MCF2L2: variants seen among roughly 807,000 people sequenced by gnomAD.
MCF2L2 encodes MCF.2 cell line derived transforming sequence-like 2, also known as probable guanine nucleotide exchange factor MCF2L2.
A neutral mutation model predicts 150.2 loss-of-function variants in MCF2L2; 102 were observed. That is an observed-to-expected ratio of 0.68 (90% CI 0.58 to 0.80). The LOEUF is 0.80. Among genes scored for constraint, MCF2L2 ranks in the 30% least tolerant of loss-of-function variants. The pLI, the probability that MCF2L2 is intolerant of heterozygous loss-of-function variation, is 0.00. For synonymous variants in MCF2L2, 465 were observed against 491.3 expected, an observed-to-expected ratio of 0.95 and a Z score of 0.71; for missense variants, 1,256 against 1,372.8, an observed-to-expected ratio of 0.91 and a Z score of 1.34.
At chr3:183,400,403 G>A (rs1340979665) in intron 1 of MCF2L2, 1 of 456,456 alleles carries the variant, frequency 2.2e-6, no homozygotes, top group East Asian at 7.0e-5. Flanking sequence ...AACGGTGATA[G>A]GCCCTCATCT....
intron 3 of MCF2L2, among the ~76,000 whole-genome samples, chr3:183,355,003 TATAAA>T (rs1711672145): frequency 6.6e-6 from 1 of 151,906 alleles, no homozygotes; most frequent in Non-Finnish European, 1.5e-5. Flanking sequence ...TGTGAAGTGA[TATAAA>T]ATAATTGTTT....
intron 15 of MCF2L2, among the ~76,000 whole-genome samples, chr3:183,262,069 T>TTATA (rs377071477): frequency 1.4e-5 from 2 of 147,254 alleles, no homozygotes; most frequent in Non-Finnish European, 3.0e-5. Context: ...TGCATATATA[T>TTATA]TATATATATA....
chr3:183,378,798 A>T (rs1322925612), intron 3 of MCF2L2: 9 of 152,054 alleles, frequency 5.9e-5, no homozygotes, highest in African/African-American at 2.2e-4. Flanking sequence ...CAGGCGGATT[A>T]CTTGAGGTTA....
rs866439983 is a variant in MCF2L2 at position 183,219,639 on chromosome 3, A to C, written c.2370+217T>G. ...AAAAAAAAATTATGTGGAAGGAAGAAAATATATTACCACTTCCATTTGGGC... is the reference window on the plus strand; with the variant it reads ...AAAAAAAAATTATGTGGAAGGAAGACAATATATTACCACTTCCATTTGGGC... On this transcript the variant is annotated intron_variant, in intron 21 of 29. Coordinates refer to ENST00000328913, the MANE Select transcript of MCF2L2 (RefSeq NM_015078.4). 3.9e-5 allele frequency among the ~76,000 whole-genome samples: 6 copies of C among 152,140 alleles called. No homozygotes were observed. The South Asian group carries it at 1.2e-3, about 32-fold the overall frequency.
At position 183,428,227 on chromosome 3, in the gene MCF2L2, C is replaced by T. The variant is rs1040641524; in HGVS notation, c.-250G>A. 30 of 468,590 alleles carry T rather than the reference C, an allele frequency of 6.4e-5. 2 individuals carry two copies. The Admixed American group carries it at 1.0e-3, about 16-fold the overall frequency. The allele number at this position is 468,590 out of a possible 1,614,324, so 29.0% of individuals were successfully genotyped here. A position where few individuals can be genotyped will look rare whatever the true frequency, so the allele number is the denominator to read the frequency against. On this transcript the variant is annotated 5_prime_UTR_variant, in exon 1 of 30. Coordinates refer to ENST00000328913, the MANE Select transcript of MCF2L2 (RefSeq NM_015078.4). This position sits in a 1 kb window ranked among gnomAD's most constrained non-coding sequence, Gnocchi z 5.1. ...GCAGCTGGACCGAGAGAGGAGCGGC[C>T]GTTCTGCAAAAGGAAGCAAGTCGCC...
At position 183,392,333 on chromosome 3, in the gene MCF2L2, G is replaced by A. The variant is rs931051518; in HGVS notation, c.77-2554C>T. On this transcript the variant is annotated intron_variant, in intron 1 of 29. Transcript: ENST00000328913. ...ACCTGACGCTAAGAGGGCAAACCTC[G>A]GCCACGCGTGATAGAGTTCCCAGAC... is the stretch of plus-strand genomic sequence containing the variant. 9.9e-5 allele frequency among the ~76,000 whole-genome samples: 15 copies of A among 152,090 alleles called. No individual in the cohort carries two copies. The East Asian group carries it at 1.5e-3, about 16-fold the overall frequency.
At chr3:183,287,877 A>T (rs1559998480) in intron 14 of MCF2L2, 1 of 152,160 alleles carries the variant, frequency 6.6e-6, no homozygotes, top group African/African-American at 2.4e-5. Flanking sequence ...AGGTCAGTGG[A>T]GTTCCTCTGG....
intron 14 of MCF2L2, chr3:183,287,684 A>G (rs1199870035): frequency 6.6e-6 from 1 of 152,238 alleles, no homozygotes; most frequent in East Asian, 1.9e-4. Context: ...TCCAACCAGG[A>G]GGGATTTATG....
In MCF2L2 at chr3:183,336,529, T is replaced by C. The variant is rs1047217298; in HGVS notation, c.486+2271A>G. 3.3e-5 allele frequency among the ~76,000 whole-genome samples: 5 copies of C among 152,202 alleles called. No individual in the cohort carries two copies. In the East Asian group the frequency reaches 9.7e-4, roughly 29 times the overall value. The stretch of plus-strand genomic sequence containing the variant: ...TTCAATTCATTTTGATAAATGTATA[T>C]AGACATGTAACACCACCCAATCAAG... On this transcript the variant is annotated intron_variant, in intron 5 of 29. Transcript: ENST00000328913.
At chr3:183,411,114 C>G (rs1715295863) in intron 1 of MCF2L2, among the ~76,000 whole-genome samples, 2 of 152,174 alleles carry the variant, frequency 1.3e-5, no homozygotes, top group African/African-American at 4.8e-5. Context: ...CCTGGTCCTG[C>G]CACTTACCAG....
At chr3:183,297,642 C>CCCTTTCTTCCTTCCTTCCTTCCTT (rs1728595118) in intron 11 of MCF2L2, 1 of 146,118 alleles carries the variant, frequency 6.8e-6, no homozygotes, top group Non-Finnish European at 1.5e-5. Flanking sequence ...CTTCCTTCCT[C>CCCTTTCTTCCTTCCTTCCTTCCTT]CCTTCCTTCC....
At chr3:183,426,120 G>A (rs572187064) in intron 1 of MCF2L2, among the ~76,000 whole-genome samples, 1 of 152,294 alleles carries the variant, frequency 6.6e-6, no homozygotes, top group Admixed American at 6.5e-5. Flanking sequence ...GAGGTTGAAA[G>A]GAGAAACTAC....
chr3:183,392,034 C>T (rs924170289), intron 1 of MCF2L2, among the ~76,000 whole-genome samples: 14 of 152,092 alleles, frequency 9.2e-5, no homozygotes, highest in African/African-American at 3.4e-4. Flanking sequence ...ATTAGAGGCA[C>T]AAACCACCAC....
intron 10 of MCF2L2, among the ~76,000 whole-genome samples, chr3:183,304,798 G>A (rs1416411513): frequency 6.6e-6 from 1 of 152,004 alleles, no homozygotes; most frequent in Non-Finnish European, 1.5e-5. Context: ...TGACTCTTTG[G>A]TTCACTGCTG....
At chr3:183,195,901 G>T (rs1239442401) in intron 25 of MCF2L2, among the ~76,000 whole-genome samples, 2 of 152,198 alleles carry the variant, frequency 1.3e-5, no homozygotes, top group Middle Eastern at 6.3e-3. Flanking sequence ...TACTACCGAT[G>T]TGACTGCCAC....
At chr3:183,277,258 A>C (rs2108459853) in intron 14 of MCF2L2, among the ~76,000 whole-genome samples, 1 of 150,880 alleles carries the variant, frequency 6.6e-6, no homozygotes, top group Middle Eastern at 3.4e-3. Flanking sequence ...AATTGCTCGA[A>C]CCTGGGAGGC....
In MCF2L2 at chr3:183,271,056, A is replaced by C. The variant is rs1057261425; in HGVS notation, c.1862+5816T>G. ...CGAAAGACAAATATTTTGAAAGCCT[A>C]GTCCATCAGAATGTTTCTTTGATTC... On this transcript the variant is annotated intron_variant, in intron 15 of 29. Coordinates refer to ENST00000328913, the MANE Select transcript of MCF2L2 (RefSeq NM_015078.4). 4 of 904,336 alleles carry C rather than the reference A, an allele frequency of 4.4e-6. No homozygotes were observed. The African/African-American group carries it at 6.9e-5, about 16-fold the overall frequency. The allele number at this position is 904,336 out of a possible 1,614,324, so 56.0% of individuals were successfully genotyped here. A position where few individuals can be genotyped will look rare whatever the true frequency, so the allele number is the denominator to read the frequency against.
At position 183,180,177 on chromosome 3, in the gene MCF2L2, A is replaced by C; in HGVS notation, c.3017-18T>G. 33 of 1,545,504 alleles carry C rather than the reference A, an allele frequency of 2.1e-5. No homozygotes were observed. Among genetic ancestry groups the C allele is most frequent in the Non-Finnish European group, 3.0e-5 (33 of 1,118,592 alleles). ...GGAGCAGCCTTAGGGAGAGAAAGGG[A>C]AGGATGGGGCCTCTGTGGGGTGGGA... On this transcript the variant is annotated intron_variant, in intron 27 of 29. Coordinates refer to ENST00000328913, the MANE Select transcript of MCF2L2 (RefSeq NM_015078.4).
At chr3:183,209,223 T>C (rs1363935579) in intron 22 of MCF2L2, among the ~76,000 whole-genome samples, 4 of 152,232 alleles carry the variant, frequency 2.6e-5, no homozygotes, top group Non-Finnish European at 5.9e-5. Flanking sequence ...ATCCATTCAA[T>C]TCATAATCAA....
Sources: allele counts gnomAD v4.1 joint callset (sites outside exome capture counted in the v4.1 genomes callset), GRCh38; gene constraint gnomAD v4.1.1; non-coding constraint Gnocchi (gnomAD v3.1); transcripts MANE v1.5; gene names NCBI Gene and HGNC (gene_info 2026-07-23, HGNC 2026-07-21).